TAF1B: variants seen among roughly 807,000 people sequenced by gnomAD.
TAF1B encodes the protein TATA-box binding protein associated factor, RNA polymerase I subunit B.
Under a neutral mutation model 83.9 loss-of-function variants are expected in TAF1B, and 61 were observed. The ratio of observed to expected loss-of-function variants is 0.73; its 90% CI spans 0.59 to 0.90. The LOEUF (loss-of-function observed/expected upper bound fraction) is 0.90, where lower values mean the gene tolerates loss of function less well. TAF1B is among the 40% of genes least tolerant of loss of function. The probability of loss-of-function intolerance (pLI) is 0.00; values close to 1 mark genes in which losing one functional copy is unlikely to be tolerated. For synonymous variants in TAF1B, 221 were observed against 224.6 expected (o/e 0.98, Z 0.14); for missense variants, 625 against 677.0 (o/e 0.92, Z 0.85).
At chr2:9,849,560 A>C in intron 3 of TAF1B, 100 bp downstream of exon 3, 1 of 847,058 alleles carries the variant, frequency 1.2e-6, no homozygotes, top group South Asian at 2.2e-5. Flanking sequence ...TTCTAGAGAA[A>C]ATGCCAGATT....
chr2:9,852,823 C>T (rs1194215144), intron 4 of TAF1B, among the ~76,000 whole-genome samples: 2 of 152,144 alleles, frequency 1.3e-5, no homozygotes, highest in African/African-American at 4.8e-5. Context: ...AAAAAAAGAA[C>T]AGAGAAAGAT....
At chr2:9,925,081 C>T (rs1665992845) in intron 14 of TAF1B, among the ~76,000 whole-genome samples, 1 of 151,972 alleles carries the variant, frequency 6.6e-6, no homozygotes, top group East Asian at 1.9e-4. Context: ...CTTTGGCAGC[C>T]CCACAAAAAT....
At chr2:9,919,848 T>G in intron 14 of TAF1B, 28 bp downstream of exon 14, 1 of 1,591,914 alleles carries the variant, frequency 6.3e-7, no homozygotes, top group Non-Finnish European at 8.6e-7. Context: ...AAAAGTCACA[T>G]ATAATTGAAG....
intron 8 of TAF1B, among the ~76,000 whole-genome samples, chr2:9,904,252 G>T (rs756722270): frequency 1.3e-5 from 2 of 152,048 alleles, no homozygotes; most frequent in African/African-American, 2.4e-5. Flanking sequence ...GTAGTTTTTT[G>T]ATCCTCACCC....
chr2:9,923,222 A>G (rs1379597983), intron 14 of TAF1B, among the ~76,000 whole-genome samples: 3 of 142,580 alleles, frequency 2.1e-5, no homozygotes, highest in Non-Finnish European at 4.6e-5. Context: ...TGGGCGACAG[A>G]GCAAGACTCC....
intron 2 of TAF1B, among the ~76,000 whole-genome samples, chr2:9,846,927 G>GT (rs1342759060): frequency 6.6e-6 from 1 of 152,170 alleles, no homozygotes. Flanking sequence ...GGAGCTAGCA[G>GT]TTTTACTCAC....
At chr2:9,870,366 C>T (rs62127133) in intron 6 of TAF1B, among the ~76,000 whole-genome samples, 27,288 of 152,040 alleles carry the variant, frequency 0.18, 3,118 homozygotes, top group East Asian at 0.31. Context: ...TGCATGCCTA[C>T]AGTCCCAGCT....
rs539853729 is a variant in TAF1B at position 9,917,524 on chromosome 2, A to G, written c.1272-1517A>G. Among the ~76,000 whole-genome samples, 2 of 152,348 alleles carry G rather than the reference A, an allele frequency of 1.3e-5. 1 individual carries two copies. Among genetic ancestry groups the G allele is most frequent in the South Asian group, 4.1e-4 (2 of 4,830 alleles). The stretch of plus-strand genomic sequence containing the variant: ...TCAAGTACTAATAATAATTCTAATT[A>G]TTGTATAGGATTTAAAGAACCAATA... On this transcript the variant is annotated intron_variant, in intron 12 of 14. Transcript: ENST00000263663.
chr2:9,898,114 T>C (rs1245398693), intron 8 of TAF1B, among the ~76,000 whole-genome samples: 2 of 152,202 alleles, frequency 1.3e-5, no homozygotes, highest in African/African-American at 4.8e-5. Flanking sequence ...CTGCATTTTA[T>C]TTTTTGTTTC....
intron 7 of TAF1B, among the ~76,000 whole-genome samples, chr2:9,878,076 T>A (rs949791964): frequency 6.6e-6 from 1 of 152,208 alleles, no homozygotes; most frequent in African/African-American, 2.4e-5. Context: ...AAATGTGGCC[T>A]CCTGACTTAC....
chr2:9,869,512 C>T (rs990716599), intron 6 of TAF1B, among the ~76,000 whole-genome samples: 5 of 151,872 alleles, frequency 3.3e-5, no homozygotes, highest in South Asian at 2.1e-4. Flanking sequence ...TGTGAACCAC[C>T]GTGCCCGGCC....
At chr2:9,882,939 CGAA>C in intron 8 of TAF1B, 134 bp downstream of exon 8, 3 of 568,198 alleles carry the variant, frequency 5.3e-6, no homozygotes, top group Non-Finnish European at 9.0e-6. Flanking sequence ...CATAATTTAA[CGAA>C]GAGTAGAATT....
chr2:9,882,631 G>T, intron 7 of TAF1B, 75 bp from the exon 8 acceptor site: 1 of 895,704 alleles, frequency 1.1e-6, no homozygotes, highest in South Asian at 2.6e-5. Flanking sequence ...TGAATTAAGA[G>T]ATTTTTCTTA....
At chr2:9,918,431 C>G (rs1286034924) in intron 12 of TAF1B, among the ~76,000 whole-genome samples, 1 of 152,116 alleles carries the variant, frequency 6.6e-6, no homozygotes, top group Non-Finnish European at 1.5e-5. Context: ...ACCCCAAGAG[C>G]CAGAGCAATC....
chr2:9,906,270 A>G (rs965106393), intron 9 of TAF1B, among the ~76,000 whole-genome samples: 10 of 152,212 alleles, frequency 6.6e-5, no homozygotes, highest in Admixed American at 6.5e-4. Context: ...GCTGTTATCT[A>G]TAGTTTAACC....
intron 8 of TAF1B, among the ~76,000 whole-genome samples, chr2:9,886,672 C>T (rs1664681483): frequency 7.3e-6 from 1 of 136,974 alleles, no homozygotes; most frequent in African/African-American, 2.5e-5. Flanking sequence ...TAGGGGACTG[C>T]AAGAGAGAGA....
chr2:9,890,255 A>G (rs973305406), intron 8 of TAF1B, among the ~76,000 whole-genome samples: 49 of 152,174 alleles, frequency 3.2e-4, no homozygotes, highest in African/African-American at 1.1e-3. Flanking sequence ...CTGTTGTCCA[A>G]TGCTTGAACC....
At chr2:9,851,738 G>A (rs287992) in intron 4 of TAF1B, 100 bp downstream of exon 4, 227,548 of 904,892 alleles carry the variant, frequency 0.25, 31,344 homozygotes, top group Non-Finnish European at 0.29. Context: ...TAACACTAGG[G>A]CTACTGGAAG....
chr2:9,917,131 C>A (rs1278924906), intron 12 of TAF1B, among the ~76,000 whole-genome samples: 1 of 152,116 alleles, frequency 6.6e-6, no homozygotes, highest in Admixed American at 6.5e-5. Context: ...CAGGCATGAG[C>A]CACTGCGCCC....
Sources: gnomAD v4.1 joint callset for allele counts (sites outside exome capture counted in the v4.1 genomes callset) on GRCh38, gnomAD v4.1.1 for gene constraint, MANE v1.5 for transcripts, NCBI Gene and HGNC (gene_info 2026-07-23, HGNC 2026-07-21) for gene names.